The following HPSE2 variants were observed in gnomAD, a reference collection of about 807,000 sequenced individuals.
HPSE2 encodes the protein inactive heparanase-2.
In HPSE2, 38 loss-of-function variants were observed where a neutral mutation model predicts 60.5. That is an observed-to-expected ratio of 0.63 (90% CI 0.48 to 0.82). The LOEUF (loss-of-function observed/expected upper bound fraction) is 0.82. Ranked by LOEUF, HPSE2 falls within the 40% of genes least tolerant of loss-of-function variation. HPSE2 has a pLI of 0.00. For missense variants in HPSE2, 713 were observed against 740.4 expected, an observed-to-expected ratio of 0.96 and a Z score of 0.43; for synonymous variants, 295 against 293.2, an observed-to-expected ratio of 1.01 and a Z score of -0.06.
chr10:99,173,077 GTA>G (rs1847379998), intron 2 of HPSE2, among the ~76,000 whole-genome samples: 1 of 152,100 alleles, frequency 6.6e-6, no homozygotes, highest in African/African-American at 2.4e-5. Flanking sequence ...TAAGCCTGGA[GTA>G]TAGTAGGGTG....
chr10:98,871,220 A>G (rs1952723582), intron 3 of HPSE2, among the ~76,000 whole-genome samples: 1 of 152,110 alleles, frequency 6.6e-6, no homozygotes, highest in African/African-American at 2.4e-5. Flanking sequence ...ATGGATTTTG[A>G]TTATATGCCC....
At chr10:98,947,757 G>A (rs1955230295) in intron 3 of HPSE2, among the ~76,000 whole-genome samples, 1 of 152,026 alleles carries the variant, frequency 6.6e-6, no homozygotes, top group Non-Finnish European at 1.5e-5. Flanking sequence ...AAGCCTTAAA[G>A]GAAAAAGATA....
intron 9 of HPSE2, among the ~76,000 whole-genome samples, chr10:98,492,409 G>A (rs1591264279): frequency 6.6e-6 from 1 of 151,696 alleles, no homozygotes; most frequent in East Asian, 1.9e-4. Context: ...GGCTGAGGCA[G>A]GAGAATGGCG....
chr10:98,799,640 A>G (rs1281558443), intron 3 of HPSE2, among the ~76,000 whole-genome samples: 4 of 152,204 alleles, frequency 2.6e-5, no homozygotes, highest in African/African-American at 9.6e-5. Flanking sequence ...AATTTTGGAC[A>G]CTATACAAAC....
At chr10:98,780,534 GT>G (rs1460494064) in intron 3 of HPSE2, among the ~76,000 whole-genome samples, 1 of 152,108 alleles carries the variant, frequency 6.6e-6, no homozygotes, top group Non-Finnish European at 1.5e-5. Flanking sequence ...TAGCAGTTTT[GT>G]TTGAGAACTT....
chr10:98,727,228 C>CA (rs1285001564), intron 4 of HPSE2, among the ~76,000 whole-genome samples: 3 of 151,810 alleles, frequency 2.0e-5, no homozygotes, highest in East Asian at 3.9e-4. Context: ...TAGTTTTCAA[C>CA]AAAAAAGCTA....
chr10:98,618,077 C>A (rs1179943860), intron 8 of HPSE2, among the ~76,000 whole-genome samples: 2 of 152,122 alleles, frequency 1.3e-5, no homozygotes, highest in Non-Finnish European at 2.9e-5. Flanking sequence ...AATTTATGCC[C>A]CTTGGAGAAC....
At chr10:98,795,049 A>AAGGAAGGAAGGT (rs1367382395) in intron 3 of HPSE2, among the ~76,000 whole-genome samples, 3 of 148,986 alleles carry the variant, frequency 2.0e-5, no homozygotes, top group Admixed American at 2.0e-4. Context: ...GGAAGGAAGG[A>AAGGAAGGAAGGT]AGGAAGGAAG....
At chr10:98,525,339 C>T (rs947973771) in intron 9 of HPSE2, among the ~76,000 whole-genome samples, 1 of 152,168 alleles carries the variant, frequency 6.6e-6, no homozygotes, top group African/African-American at 2.4e-5. Flanking sequence ...GTAGAGGTCC[C>T]GCATTTCATG....
chr10:99,295,051 T>C, the HPSE2 span, among the ~76,000 whole-genome samples: 3 of 152,228 alleles, frequency 2.0e-5, no homozygotes, highest in African/African-American at 4.8e-5. Context: ...ATGTTCATAA[T>C]AGCATAATCT....
intron 9 of HPSE2, among the ~76,000 whole-genome samples, chr10:98,570,520 T>C (rs372397797): frequency 3.9e-5 from 6 of 152,144 alleles, no homozygotes; most frequent in East Asian, 3.9e-4. Flanking sequence ...ATTGCCTATA[T>C]GCTAGGCACT....
At chr10:99,102,623 C>T (rs1026152744) in intron 3 of HPSE2, among the ~76,000 whole-genome samples, 9 of 152,316 alleles carry the variant, frequency 5.9e-5, no homozygotes, top group Admixed American at 5.2e-4. Flanking sequence ...TCCTCCCTAA[C>T]TCATTTTATG....
chr10:98,678,257 T>C (rs1947696696), intron 6 of HPSE2, among the ~76,000 whole-genome samples: 1 of 152,094 alleles, frequency 6.6e-6, no homozygotes, highest in Non-Finnish European at 1.5e-5. Flanking sequence ...CTTACATTTT[T>C]CCCCCATCCA....
In HPSE2 at chr10:99,177,473, T is replaced by C. The variant is rs1483207573; in HGVS notation, c.449-33074A>G. Among the ~76,000 whole-genome samples, 3 of 152,142 alleles carry C rather than the reference T, an allele frequency of 2.0e-5. No homozygotes were observed. The East Asian group carries it at 5.8e-4, about 29-fold the overall frequency. On this transcript the variant is annotated intron_variant, in intron 2 of 11. Coordinates refer to ENST00000370552, the MANE Select transcript of HPSE2 (RefSeq NM_021828.5). ...AAAAAAAAAGCAGGGGTTGCAATCCTAGTATCTCATATAACAGACTTTAAA... is the reference window on the plus strand; with the variant it reads ...AAAAAAAAAGCAGGGGTTGCAATCCCAGTATCTCATATAACAGACTTTAAA...
At chr10:98,477,185 T>C (rs1305536595) in intron 11 of HPSE2, among the ~76,000 whole-genome samples, 1 of 152,202 alleles carries the variant, frequency 6.6e-6, no homozygotes, top group Non-Finnish European at 1.5e-5. Context: ...GCAGGAATTA[T>C]TCTATATGCT....
At chr10:98,605,819 C>T (rs1291678924) in intron 9 of HPSE2, among the ~76,000 whole-genome samples, 1 of 152,178 alleles carries the variant, frequency 6.6e-6, no homozygotes, top group Non-Finnish European at 1.5e-5. Flanking sequence ...TCAGGTTGGT[C>T]TTAGGGACAC....
rs895484121 is a variant in HPSE2, at chr10:98,693,971, G to A, written c.957-24C>T. ...ATCTGTAAGGAATAGAAAGAAAAAAGATATTACAACTTAGATTAAACCACA... is the reference window on the plus strand; with the variant it reads ...ATCTGTAAGGAATAGAAAGAAAAAAAATATTACAACTTAGATTAAACCACA... On this transcript the variant is annotated intron_variant, in intron 5 of 11. Transcript: ENST00000370552. The A allele has an allele frequency of 1.9e-6, 3 of 1,580,694 alleles. No individual in the cohort carries two copies. In the African/African-American group the frequency reaches 4.0e-5, roughly 21 times the overall value.
intron 3 of HPSE2, among the ~76,000 whole-genome samples, chr10:98,993,221 C>A: frequency 6.6e-6 from 1 of 152,200 alleles, no homozygotes; most frequent in East Asian, 1.9e-4. Flanking sequence ...ATAAGAGATG[C>A]CTTTTGGCTA....
chr10:99,222,142 G>C (rs187133206), intron 2 of HPSE2, among the ~76,000 whole-genome samples: 39 of 152,094 alleles, frequency 2.6e-4, no homozygotes, highest in African/African-American at 9.2e-4. Context: ...TAGGGGAAAG[G>C]CCTTTGAAGC....
Sources: allele counts gnomAD v4.1 joint callset (sites outside exome capture counted in the v4.1 genomes callset), GRCh38; gene constraint gnomAD v4.1.1; transcripts MANE v1.5; gene names NCBI Gene and HGNC (gene_info 2026-07-23, HGNC 2026-07-21).